The following AGBL4 variants were observed in gnomAD, a reference collection of about 807,000 sequenced individuals.
The protein encoded by AGBL4 is cytosolic carboxypeptidase 6.
AGBL4 carries 58 observed loss-of-function variants against 66.4 expected under a neutral mutation model. That is an observed-to-expected ratio of 0.87 (90% CI 0.71 to 1.09). The LOEUF is 1.09. AGBL4 is among the 50% of genes least tolerant of loss of function. AGBL4 has a pLI of 0.00. For missense variants in AGBL4, 579 were observed against 631.0 expected (o/e 0.92, Z 0.88); for synonymous variants, 234 against 222.9 (o/e 1.05, Z -0.44).
intron 6 of AGBL4, among the ~76,000 whole-genome samples, chr1:48,847,945 A>C (rs1297008815): frequency 6.6e-6 from 1 of 152,212 alleles, no homozygotes; most frequent in Non-Finnish European, 1.5e-5. Flanking sequence ...ACATTAGCAG[A>C]AGGGCCACAC....
intron 9 of AGBL4, among the ~76,000 whole-genome samples, chr1:48,607,717 T>C (rs1645174522): frequency 6.6e-6 from 1 of 152,122 alleles, no homozygotes; most frequent in African/African-American, 2.4e-5. Flanking sequence ...TATATCCATA[T>C]ACAACTATGC....
intron 3 of AGBL4, among the ~76,000 whole-genome samples, chr1:49,599,203 T>C (rs1644907472): frequency 1.3e-5 from 2 of 152,184 alleles, no homozygotes; most frequent in Admixed American, 6.5e-5. Context: ...TGTAACTCTG[T>C]TAGAATTCGG....
intron 6 of AGBL4, among the ~76,000 whole-genome samples, chr1:48,742,465 C>T (rs1286462478): frequency 1.3e-5 from 2 of 152,168 alleles, no homozygotes; most frequent in South Asian, 2.1e-4. Context: ...AGCAAAGCTA[C>T]GCTACTGATA....
chr1:48,823,070 C>A lies in AGBL4; in HGVS notation c.634+44121G>T, dbSNP rs980272014. Among the ~76,000 whole-genome samples, 3 of 152,166 alleles carry A rather than the reference C, an allele frequency of 2.0e-5. 1 individual carries two copies. The highest frequency in any genetic ancestry group is 2.0e-4 in the Admixed American group (3 of 15,270). On this transcript the variant is annotated intron_variant, in intron 6 of 13. Transcript: ENST00000371839. ...TAGAAAACATTCTTATTCCTTGTAC[C>A]ACTCTTCTGGCACCAGACTTCCCAA...
chr1:48,556,174 T>A lies in AGBL4; in HGVS notation c.1268-16436A>T, dbSNP rs553481985. 1.5e-4 allele frequency among the ~76,000 whole-genome samples: 23 copies of A among 152,290 alleles called. No individual in the cohort carries two copies. The South Asian group carries it at 4.8e-3, about 32-fold the overall frequency. ...TGGACATATCAAGCAAAGCTGACAA[T>A]GATCCCACTGACAGGATGGGTATGA... is the stretch of plus-strand genomic sequence containing the variant. On this transcript the variant is annotated intron_variant, in intron 11 of 13. Transcript: ENST00000371839.
intron 3 of AGBL4, among the ~76,000 whole-genome samples, chr1:49,309,649 G>A (rs1557828088): frequency 1.3e-5 from 2 of 151,628 alleles, no homozygotes. Flanking sequence ...TGTACTGTAA[G>A]TAGCTTATAT....
At chr1:49,023,878 A>C (rs1340516572) in intron 5 of AGBL4, among the ~76,000 whole-genome samples, 1 of 152,100 alleles carries the variant, frequency 6.6e-6, no homozygotes, top group Non-Finnish European at 1.5e-5. Flanking sequence ...TACCTCAATG[A>C]TTTTTCAATG....
chr1:49,349,748 T>C (rs1331942846), intron 3 of AGBL4, among the ~76,000 whole-genome samples: 1 of 152,134 alleles, frequency 6.6e-6, no homozygotes, highest in African/African-American at 2.4e-5. Flanking sequence ...ATCCCCAGTA[T>C]CTCAGAACGT....
chr1:49,979,453 G>A (rs1225466406), intron 1 of AGBL4, among the ~76,000 whole-genome samples: 1 of 150,570 alleles, frequency 6.6e-6, no homozygotes, highest in Non-Finnish European at 1.5e-5. Flanking sequence ...GGGCGACAGA[G>A]CGAGACTCCG....
At chr1:49,431,645 T>C (rs183084078) in intron 3 of AGBL4, among the ~76,000 whole-genome samples, 151 of 152,314 alleles carry the variant, frequency 9.9e-4, no homozygotes, top group African/African-American at 3.5e-3. Context: ...GCTGTAATCA[T>C]GTATTTTTTT....
intron 1 of AGBL4, among the ~76,000 whole-genome samples, chr1:49,950,009 T>TAC (rs371624252): frequency 6.8e-5 from 7 of 102,842 alleles, no homozygotes; most frequent in Middle Eastern, 4.8e-3. Context: ...TATATATATA[T>TAC]ACACACACAT....
chr1:49,664,103 G>T (rs1184229797), intron 3 of AGBL4, among the ~76,000 whole-genome samples: 1 of 151,938 alleles, frequency 6.6e-6, no homozygotes, highest in Non-Finnish European at 1.5e-5. Context: ...CAGGGGATAA[G>T]TCCTAAATAA....
intron 4 of AGBL4, among the ~76,000 whole-genome samples, chr1:49,093,967 G>A (rs1571429012): frequency 1.3e-5 from 2 of 152,246 alleles, no homozygotes; most frequent in African/African-American, 4.8e-5. Flanking sequence ...GCAATGGGGA[G>A]GAAATATTGT....
chr1:49,159,562 T>C (rs1646501245), intron 4 of AGBL4, among the ~76,000 whole-genome samples: 1 of 152,160 alleles, frequency 6.6e-6, no homozygotes, highest in African/African-American at 2.4e-5. Flanking sequence ...TCTCGAGGAA[T>C]ATCTTTGTGG....
At chr1:49,987,104 C>A (rs543308335) in intron 1 of AGBL4, among the ~76,000 whole-genome samples, 78 of 152,122 alleles carry the variant, frequency 5.1e-4, no homozygotes, top group African/African-American at 1.9e-3. Flanking sequence ...AAAAACAGAT[C>A]TGTAAAAAAC....
chr1:49,724,398 T>C (rs1444361636), intron 2 of AGBL4, among the ~76,000 whole-genome samples: 1 of 152,188 alleles, frequency 6.6e-6, no homozygotes, highest in Non-Finnish European at 1.5e-5. Flanking sequence ...TTGTTGTGGC[T>C]ATAACAGCAA....
At chr1:48,525,991 C>T in the AGBL4 span, among the ~76,000 whole-genome samples, 1 of 152,264 alleles carries the variant, frequency 6.6e-6, no homozygotes, top group Middle Eastern at 3.4e-3. Context: ...CTTGTTGTTA[C>T]AATTCTGAGG....
chr1:49,048,885 AG>A (rs1301214989), intron 4 of AGBL4, among the ~76,000 whole-genome samples: 1 of 152,118 alleles, frequency 6.6e-6, no homozygotes, highest in East Asian at 1.9e-4. Flanking sequence ...GTGGCTCAAA[AG>A]CCTGTATTCA....
At position 49,496,994 on chromosome 1, in the gene AGBL4, T is replaced by C. The variant is rs565347513; in HGVS notation, c.282+200319A>G. Among the ~76,000 whole-genome samples, 9 of 152,050 alleles carry C rather than the reference T, an allele frequency of 5.9e-5. No homozygotes were observed. The South Asian group carries it at 1.3e-3, about 21-fold the overall frequency. ...CTATCATACATTCCCACCAACAGTA[T>C]GCAAATGTTCCCTTTTCTCCATATC... On this transcript the variant is annotated intron_variant, in intron 3 of 13. Transcript: ENST00000371839.
Sources: allele counts gnomAD v4.1 joint callset (sites outside exome capture counted in the v4.1 genomes callset), GRCh38; gene constraint gnomAD v4.1.1; transcripts MANE v1.5; gene names NCBI Gene and HGNC (gene_info 2026-07-23, HGNC 2026-07-21).